VPS13D: variants seen among roughly 807,000 people sequenced by gnomAD.
VPS13D encodes vacuolar protein sorting 13 homolog D.
VPS13D carries 187 observed loss-of-function variants against 461.9 expected under a neutral mutation model. That is an observed-to-expected ratio of 0.40 (90% CI 0.36 to 0.46). The LOEUF is 0.46. Ranked by LOEUF, VPS13D falls within the 20% of genes least tolerant of loss-of-function variation. VPS13D has a pLI of 0.60. For missense variants in VPS13D, 4,711 were observed against 5,364.9 expected (o/e 0.88, Z 3.81); for synonymous variants, 1,951 against 1,986.3 (o/e 0.98, Z 0.47).
intron 57 of VPS13D, 66 bp from the exon 58 acceptor site, chr1:12,382,910 T>C: frequency 1.4e-6 from 2 of 1,432,240 alleles, no homozygotes; most frequent in Non-Finnish European, 1.9e-6. Flanking sequence ...TTTGAAATGA[T>C]GTGTTAACTT....
intron 18 of VPS13D, 150 bp downstream of exon 18, chr1:12,273,285 A>T: frequency 1.0e-6 from 1 of 966,056 alleles, no homozygotes; most frequent in East Asian, 2.9e-5. Context: ...CTTTTTAAAT[A>T]ATGAAATAAT....
intron 46 of VPS13D, among the ~76,000 whole-genome samples, chr1:12,350,507 G>A (rs778379335): frequency 2.0e-5 from 3 of 152,096 alleles, no homozygotes; most frequent in Non-Finnish European, 4.4e-5. Context: ...GTTTAAATAT[G>A]GGGGATGCAG....
chr1:12,247,391 T>C (rs2101221982), intron 5 of VPS13D, among the ~76,000 whole-genome samples: 1 of 144,738 alleles, frequency 6.9e-6, no homozygotes, highest in Admixed American at 7.2e-5. Context: ...CACTCCAGCC[T>C]GGGCGACAAA....
Position 12,298,056 on chromosome 1 carries a change from A to G in VPS13D, c.6034-1146A>G, listed in dbSNP as rs1306662267. Among the ~76,000 whole-genome samples, 3 of 152,158 alleles carry G rather than the reference A, an allele frequency of 2.0e-5. No individual in the cohort carries two copies. In the South Asian group the frequency reaches 6.2e-4, roughly 31 times the overall value. On this transcript the variant is annotated intron_variant, in intron 24 of 69. Coordinates refer to ENST00000620676, the MANE Select transcript of VPS13D (RefSeq NM_015378.4). ...TGTACAGGAAAAAAAGACTGAAAAG[A>G]TATGGTGTTGATGTGGTAATAATAA...
chr1:12,241,671 C>T (rs1640378259), intron 2 of VPS13D, among the ~76,000 whole-genome samples: 2 of 152,274 alleles, frequency 1.3e-5, no homozygotes, highest in African/African-American at 4.8e-5. Context: ...CAATTTTCAG[C>T]GGCGGTCCTG....
intron 21 of VPS13D, among the ~76,000 whole-genome samples, chr1:12,284,318 A>G (rs1338042585): frequency 6.6e-6 from 1 of 152,226 alleles, no homozygotes; most frequent in Non-Finnish European, 1.5e-5. Context: ...GAGGATGTTC[A>G]GTGGTGCCCC....
chr1:12,506,746 C>A (rs1474732357), intron 68 of VPS13D, 107 bp from the exon 69 acceptor site: 2 of 1,417,560 alleles, frequency 1.4e-6, no homozygotes, highest in African/African-American at 1.4e-5. Flanking sequence ...GGCAAGGGGG[C>A]CGGGATTCGC....
chr1:12,425,356 G>A (rs1013462798), intron 65 of VPS13D, among the ~76,000 whole-genome samples: 3 of 151,988 alleles, frequency 2.0e-5, no homozygotes, highest in African/African-American at 7.3e-5. Context: ...TCAGGAATTC[G>A]AGACCAGCAT....
rs1569704391 is a variant in VPS13D, at chr1:12,257,053, C to T, written c.907C>T (p.Arg303Ter). 6.2e-7 allele frequency: 1 copy of T among 1,614,100 alleles called. No homozygotes were observed. Among genetic ancestry groups the T allele is most frequent in the Non-Finnish European group, 8.5e-7 (1 of 1,180,014 alleles). Residue 303 changes from arginine to a stop codon, truncating the protein, a stop_gained, in exon 9 of 70, where the codon CGA becomes TGA. Coordinates refer to ENST00000620676, the MANE Select transcript of VPS13D (RefSeq NM_015378.4). LOFTEE classifies it high-confidence loss of function. The stretch of plus-strand genomic sequence containing the variant: ...ACGAAAGGAGAGGCAGGTGAAGTTC[C>T]GAAGGTGGAAACCCAAGGTGGCGAT... ...LERKERQVKF[R>*]RWKPKVAISK...
intron 67 of VPS13D, among the ~76,000 whole-genome samples, chr1:12,485,330 G>A (rs1026335288): frequency 3.3e-5 from 5 of 152,306 alleles, no homozygotes; most frequent in Non-Finnish European, 5.9e-5. Flanking sequence ...ACTGAAACAG[G>A]CAGGATGGCC....
chr1:12,269,626 A>G (rs1041827556), intron 16 of VPS13D, among the ~76,000 whole-genome samples: 4 of 152,208 alleles, frequency 2.6e-5, no homozygotes, highest in Non-Finnish European at 5.9e-5. Flanking sequence ...TGTAAATGTA[A>G]TCACTGATTT....
intron 60 of VPS13D, among the ~76,000 whole-genome samples, chr1:12,392,393 C>T (rs1263186360): frequency 2.0e-5 from 3 of 151,266 alleles, no homozygotes; most frequent in Non-Finnish European, 3.0e-5. Flanking sequence ...ACAGGAGAAT[C>T]GCTTGGACCT....
At chr1:12,247,630 A>G (rs1045621376) in intron 5 of VPS13D, among the ~76,000 whole-genome samples, 7 of 149,734 alleles carry the variant, frequency 4.7e-5, no homozygotes, top group Admixed American at 4.0e-4. Flanking sequence ...GATACTGAAT[A>G]TTTTTCCGTG....
chr1:12,245,925 T>G (rs1256748419), intron 5 of VPS13D, among the ~76,000 whole-genome samples: 1 of 152,250 alleles, frequency 6.6e-6, no homozygotes, highest in Non-Finnish European at 1.5e-5. Flanking sequence ...TAGTAGCATG[T>G]GTCAGCACTT....
chr1:12,282,986 G>C lies in VPS13D; in HGVS notation c.4884G>C (p.Gln1628His). 6.2e-7 allele frequency: 1 copy of C among 1,614,170 alleles called. No individual in the cohort carries two copies. Among genetic ancestry groups the C allele is most frequent in the Non-Finnish European group, 8.5e-7 (1 of 1,180,030 alleles). Residue 1628 changes from glutamine (Q) to histidine (H), a missense_variant, in exon 21 of 70, where the codon CAG (glutamine) becomes CAC (histidine). By Grantham distance (24) the Gln-to-His change is conservative. This residue lies in a region of VPS13D where 4,411 missense variants were observed against 4,937.8 expected (regional missense o/e 0.89). Coordinates refer to ENST00000620676, the MANE Select transcript of VPS13D (RefSeq NM_015378.4). The part of the protein sequence containing the change: ...IQATFCISEL[Q>H]VQLSGDLTLG... The stretch of plus-strand genomic sequence containing the variant: ...CCACCTTTTGTATATCAGAGCTTCA[G>C]GTTCAGCTAAGTGGAGATCTGACTT...
At chr1:12,298,558 C>T (rs1288210970) in intron 24 of VPS13D, among the ~76,000 whole-genome samples, 1 of 151,784 alleles carries the variant, frequency 6.6e-6, no homozygotes, top group Non-Finnish European at 1.5e-5. Context: ...GAGAATCTCA[C>T]TTGAGGCCAG....
intron 68 of VPS13D, among the ~76,000 whole-genome samples, chr1:12,503,339 C>A (rs1214699419): frequency 6.6e-6 from 1 of 151,660 alleles, no homozygotes; most frequent in Non-Finnish European, 1.5e-5. Context: ...AAACTTTTTT[C>A]TTTCTTCTTC....
intron 45 of VPS13D, 59 bp from the exon 46 acceptor site, chr1:12,349,105 G>T: frequency 6.2e-7 from 1 of 1,611,710 alleles, no homozygotes; most frequent in East Asian, 2.2e-5. Flanking sequence ...TCCTGAGATG[G>T]TCAATCTTTG....
chr1:12,290,587 T>C (rs1249837879), intron 22 of VPS13D, among the ~76,000 whole-genome samples: 1 of 152,034 alleles, frequency 6.6e-6, no homozygotes, highest in Admixed American at 6.6e-5. Flanking sequence ...TCAGGCATGG[T>C]GGTGGGCACC....
Sources: gnomAD v4.1 joint callset for allele counts (sites outside exome capture counted in the v4.1 genomes callset) on GRCh38, gnomAD v4.1.1 for gene constraint, gnomAD v4.1.1 regional missense constraint, MANE v1.5 for transcripts, NCBI Gene and HGNC (gene_info 2026-07-23, HGNC 2026-07-21) for gene names.